The following DISC1 variants were observed in gnomAD, a reference collection of about 807,000 sequenced individuals.
The protein encoded by DISC1 is disrupted in schizophrenia 1 protein.
Under a neutral mutation model 84.5 loss-of-function variants are expected in DISC1, and 57 were observed. The observed-to-expected ratio is 0.67, with a 90% confidence interval of 0.55 to 0.84. The LOEUF (loss-of-function observed/expected upper bound fraction) is 0.84, where lower values mean the gene tolerates loss of function less well. Among genes scored for constraint, DISC1 ranks in the 40% least tolerant of loss-of-function variants. The pLI is 0.00. For synonymous variants in DISC1, 411 were observed against 415.2 expected, an observed-to-expected ratio of 0.99 and a Z score of 0.12; for missense variants, 1,000 against 1,057.8, an observed-to-expected ratio of 0.95 and a Z score of 0.76.
chr1:232,024,256 T>C (rs1445058854), intron 11 of DISC1, among the ~76,000 whole-genome samples: 1 of 152,184 alleles, frequency 6.6e-6, no homozygotes, highest in Non-Finnish European at 1.5e-5. Context: ...TAAATGCGTA[T>C]AGTCATTCTG....
chr1:231,771,006 C>A lies in DISC1; in HGVS notation c.1570C>A (p.Gln524Lys). ...GCTGCAGGAGGTCAGCAAGGCCTTG[C>A]AGGACACCCTGGCCTCAGCCGGTCA... ...GQLQEVSKAL[Q>K]DTLASAGQIP... is the part of the protein sequence containing the mutation. Residue 524 changes from glutamine to lysine, a missense_variant, in exon 6 of 13, where the codon CAG becomes AAG. Coordinates refer to ENST00000439617, the MANE Select transcript of DISC1 (RefSeq NM_018662.3). 1 of 1,612,906 alleles carries A rather than the reference C, an allele frequency of 6.2e-7. No homozygotes were observed.
intron 1 of DISC1, among the ~76,000 whole-genome samples, chr1:231,628,059 A>G (rs919337882): frequency 9.9e-5 from 15 of 152,202 alleles, no homozygotes; most frequent in South Asian, 2.1e-4. Context: ...AAAAAACCTT[A>G]GTTGCTATTT....
intron 9 of DISC1, among the ~76,000 whole-genome samples, chr1:231,883,183 G>T (rs559505123): frequency 1.3e-5 from 2 of 152,228 alleles, no homozygotes; most frequent in East Asian, 1.9e-4. Context: ...AGAGAAAAAT[G>T]ATACTTAATC....
chr1:232,010,214 A>G (rs1272887277), intron 11 of DISC1, among the ~76,000 whole-genome samples: 3 of 152,242 alleles, frequency 2.0e-5, no homozygotes, highest in African/African-American at 7.2e-5. Flanking sequence ...CAGGTGCTAC[A>G]GGTGGAATCC....
Position 231,954,403 on chromosome 1 carries a change from A to C in DISC1, c.1982-4425A>C, listed in dbSNP as rs1265403577. On this transcript the variant is annotated intron_variant, in intron 9 of 12. Transcript: ENST00000439617. The surrounding 1 kb of genome is among the most constrained non-coding windows in gnomAD (Gnocchi z 4.8). ...CATTTAATTATCAATCTGTTAATCC[A>C]AGTTTTTGTTTAATTGGATTCATCA... Among the ~76,000 whole-genome samples the C allele has an allele frequency of 1.3e-5, 2 of 152,188 alleles. No homozygotes were observed. Among genetic ancestry groups the C allele is most frequent in the African/African-American group, 4.8e-5 (2 of 41,448 alleles).
At chr1:231,960,494 C>A (rs1189007969) in intron 10 of DISC1, among the ~76,000 whole-genome samples, 1 of 152,148 alleles carries the variant, frequency 6.6e-6, no homozygotes, top group East Asian at 1.9e-4. Context: ...CTCCGGTGAT[C>A]CACGGCCTTG....
chr1:231,671,143 G>C (rs2062581720), intron 1 of DISC1, among the ~76,000 whole-genome samples: 1 of 152,028 alleles, frequency 6.6e-6, no homozygotes, highest in East Asian at 1.9e-4. Context: ...GGACATCTTG[G>C]TGTTGGTCAT....
chr1:231,906,467 G>T (rs1332968400), intron 9 of DISC1, among the ~76,000 whole-genome samples: 1 of 152,220 alleles, frequency 6.6e-6, no homozygotes, highest in East Asian at 1.9e-4. Flanking sequence ...ATCCCAGGGG[G>T]TGCTTTATGC....
chr1:231,749,996 A>G lies in DISC1; in HGVS notation c.1188A>G (p.Ser396=), dbSNP rs754337105. The G allele has an allele frequency of 1.2e-6, 2 of 1,614,212 alleles. No homozygotes were observed. Among genetic ancestry groups the G allele is most frequent in the Non-Finnish European group, 1.7e-6 (2 of 1,180,024 alleles). The part of the protein sequence containing the change: ...EKISLHFQLP[S]RQPALSSFLG... ...TCAGCCTGCACTTTCAACTTCCTTC[A>G]AGGCAGCCAGCTCTTAGCAGTTTCC... is the stretch of plus-strand genomic sequence containing the variant. Residue 396 remains serine (S), a synonymous_variant, in exon 4 of 13, where the codon TCA becomes TCG. Coordinates refer to ENST00000439617, the MANE Select transcript of DISC1 (RefSeq NM_018662.3).
At chr1:231,772,889 A>T (rs2076661769) in intron 6 of DISC1, among the ~76,000 whole-genome samples, 2 of 152,168 alleles carry the variant, frequency 1.3e-5, no homozygotes, top group Admixed American at 1.3e-4. Context: ...TCCATGGCTC[A>T]TGCCCATGGA....
intron 10 of DISC1, among the ~76,000 whole-genome samples, chr1:231,981,031 C>G (rs1377962265): frequency 1.3e-5 from 2 of 152,242 alleles, no homozygotes; most frequent in Non-Finnish European, 2.9e-5. Flanking sequence ...ACTGCAGCCT[C>G]AACCTCCTGG....
chr1:231,925,714 A>AT (rs894830444), intron 9 of DISC1: 6 of 152,162 alleles, frequency 3.9e-5, no homozygotes, highest in Non-Finnish European at 8.8e-5. Context: ...AATGATTAGT[A>AT]TTTTTTATGA....
intron 5 of DISC1, among the ~76,000 whole-genome samples, chr1:231,768,236 C>T (rs905688858): frequency 8.5e-5 from 13 of 152,112 alleles, no homozygotes; most frequent in East Asian, 5.8e-4. Flanking sequence ...TTAGAAGCAA[C>T]GTGACTTCAT....
At chr1:231,696,795 A>G (rs192321221) in intron 2 of DISC1, among the ~76,000 whole-genome samples, 33 of 152,356 alleles carry the variant, frequency 2.2e-4, no homozygotes, top group African/African-American at 7.5e-4. Context: ...AGACTATTCC[A>G]TCTAGCCTAG....
chr1:231,998,503 G>GAGC lies in DISC1; in HGVS notation c.2043-10279_2043-10277dup, dbSNP rs374840923. Among the ~76,000 whole-genome samples, 634 of 152,286 alleles carry GAGC rather than the reference G, an allele frequency of 4.2e-3. 22 individuals are homozygous for GAGC. The South Asian group carries it at 0.089, about 21-fold the overall frequency. Reference sequence around the variant, plus strand: ...AACAATGATAGAGAGAACATTCTAAGAGCAGGTCAATTATTAAAGGATGAG... The same window carrying GAGC: ...AACAATGATAGAGAGAACATTCTAAGAGCAGCAGGTCAATTATTAAAGGATGAG... On this transcript the variant is annotated intron_variant, in intron 10 of 12. Transcript: ENST00000439617.
intron 10 of DISC1, among the ~76,000 whole-genome samples, chr1:231,979,453 A>G (rs985631264): frequency 3.3e-5 from 5 of 151,900 alleles, no homozygotes; most frequent in African/African-American, 4.8e-5. Context: ...ATTGTGTACC[A>G]AAAGAACTGA....
intron 11 of DISC1, among the ~76,000 whole-genome samples, chr1:232,012,055 C>T (rs201540289): frequency 3.0e-4 from 45 of 152,192 alleles, no homozygotes; most frequent in Non-Finnish European, 5.9e-4. Flanking sequence ...AAGTGAGAGA[C>T]GCATACCTAG....
At chr1:231,714,982 C>T (rs776352349) in intron 3 of DISC1, among the ~76,000 whole-genome samples, 15 of 152,204 alleles carry the variant, frequency 9.9e-5, no homozygotes, top group Non-Finnish European at 1.9e-4. Context: ...AATGATCACA[C>T]CACTTTATTC....
At chr1:231,627,105 G>A (rs947136762) in intron 1 of DISC1, among the ~76,000 whole-genome samples, 171 bp downstream of exon 1, 12 of 152,180 alleles carry the variant, frequency 7.9e-5, no homozygotes, top group Admixed American at 3.3e-4. Flanking sequence ...AGAGAAGAGC[G>A]AGTCTTGGGC....
Sources: allele counts gnomAD v4.1 joint callset (sites outside exome capture counted in the v4.1 genomes callset), GRCh38; gene constraint gnomAD v4.1.1; non-coding constraint Gnocchi (gnomAD v3.1); transcripts MANE v1.5; gene names NCBI Gene and HGNC (gene_info 2026-07-23, HGNC 2026-07-21).